Variants in ARK2N observed in about 807,000 individuals in gnomAD.
ARK2N encodes the protein protein ARK2N.
the ARK2N span, among the ~76,000 whole-genome samples, chr18:46,213,207 G>A: frequency 6.6e-6 from 1 of 151,336 alleles, no homozygotes; most frequent in South Asian, 2.1e-4. Context: ...TGACCATCTC[G>A]GCCAGGCTGG....
the ARK2N span, among the ~76,000 whole-genome samples, chr18:46,237,721 G>A: frequency 1.3e-5 from 2 of 152,088 alleles, no homozygotes; most frequent in Admixed American, 6.5e-5. Flanking sequence ...CTTAATTTTG[G>A]TTTCCTAATG....
At chr18:46,198,170 T>C in the ARK2N span, among the ~76,000 whole-genome samples, 1 of 151,774 alleles carries the variant, frequency 6.6e-6, no homozygotes, top group Non-Finnish European at 1.5e-5. Flanking sequence ...GGTATGGTGG[T>C]GGCGCCTGTA....
the ARK2N span, among the ~76,000 whole-genome samples, chr18:46,239,307 G>A: frequency 6.6e-6 from 1 of 152,152 alleles, no homozygotes; most frequent in African/African-American, 2.4e-5. Context: ...ATTGCATATT[G>A]TTTAGTTGGA....
chr18:46,215,920 A>T, the ARK2N span: 5 of 1,614,052 alleles, frequency 3.1e-6, no homozygotes, highest in Non-Finnish European at 4.2e-6. Flanking sequence ...TGAAGAACTC[A>T]TTGAGTCCGA....
At chr18:46,186,185 A>G in the ARK2N span, among the ~76,000 whole-genome samples, 1 of 149,152 alleles carries the variant, frequency 6.7e-6, no homozygotes, top group Non-Finnish European at 1.5e-5. Flanking sequence ...AAAGATGGAC[A>G]GCTGATTATC....
the ARK2N span, chr18:46,217,640 GCTT>G: frequency 1.3e-5 from 2 of 152,154 alleles, no homozygotes; most frequent in Non-Finnish European, 2.9e-5. Flanking sequence ...GGAATCTATA[GCTT>G]CCCAAACTTA....
At chr18:46,219,551 C>G in the ARK2N span, among the ~76,000 whole-genome samples, 12 of 151,628 alleles carry the variant, frequency 7.9e-5, no homozygotes, top group African/African-American at 2.7e-4. Context: ...CTCACTGCAA[C>G]CTCCGCCTCC....
the ARK2N span, chr18:46,174,299 G>A: frequency 1.3e-5 from 2 of 152,358 alleles, no homozygotes; most frequent in African/African-American, 2.4e-5. Flanking sequence ...CGCGAAGCGA[G>A]CGAGAAGGCA....
the ARK2N span, among the ~76,000 whole-genome samples, chr18:46,174,579 T>C: frequency 6.6e-6 from 1 of 152,062 alleles, no homozygotes; most frequent in Admixed American, 6.5e-5. Flanking sequence ...TTGGTGACCC[T>C]AGCGTCCTCC....
chr18:46,245,765 T>G, the ARK2N span, among the ~76,000 whole-genome samples: 4 of 152,180 alleles, frequency 2.6e-5, no homozygotes, highest in Non-Finnish European at 4.4e-5. Flanking sequence ...ATTTACAGTT[T>G]AAAAAGTAGC....
At chr18:46,262,793 T>G in the ARK2N span, 1 of 834,998 alleles carries the variant, frequency 1.2e-6, no homozygotes, top group Middle Eastern at 3.6e-4. Flanking sequence ...GGGAAGGATA[T>G]TGATTGTGGG....
chr18:46,214,277 A>G, the ARK2N span, among the ~76,000 whole-genome samples: 1,514 of 152,292 alleles, frequency 9.9e-3, 27 homozygotes, highest in African/African-American at 0.034. Flanking sequence ...GAGATGCCAT[A>G]TTGCACCTAG....
the ARK2N span, among the ~76,000 whole-genome samples, chr18:46,255,553 G>A: frequency 7.1e-6 from 1 of 140,304 alleles, no homozygotes; most frequent in African/African-American, 2.7e-5. Flanking sequence ...CCAGGTTCAA[G>A]CAATTCTCCT....
the ARK2N span, chr18:46,216,209 C>T: frequency 6.2e-7 from 1 of 1,613,820 alleles, no homozygotes; most frequent in Admixed American, 1.7e-5. This position sits in a 1 kb window ranked among gnomAD's most constrained non-coding sequence, Gnocchi z 4.3. Flanking sequence ...GATACGTTGT[C>T]TTCCGCAGAA....
the ARK2N span, among the ~76,000 whole-genome samples, chr18:46,243,972 C>G: frequency 6.6e-6 from 1 of 152,186 alleles, no homozygotes. Context: ...TCTAATTACT[C>G]TCTTGCACTG....
At chr18:46,266,477 CATTTT>C in the ARK2N span, 1 of 152,622 alleles carries the variant, frequency 6.6e-6, no homozygotes, top group South Asian at 2.1e-4. Flanking sequence ...TGTATTTTTT[CATTTT>C]ATTTAAAACA....
At chr18:46,251,827 AT>A in the ARK2N span, among the ~76,000 whole-genome samples, 2 of 152,132 alleles carry the variant, frequency 1.3e-5, no homozygotes, top group African/African-American at 4.8e-5. Flanking sequence ...AGGTATAAAA[AT>A]TGTAAGCCTT....
At chr18:46,221,948 T>C in the ARK2N span, among the ~76,000 whole-genome samples, 6 of 152,256 alleles carry the variant, frequency 3.9e-5, no homozygotes, top group Admixed American at 3.9e-4. Context: ...CAAAATACAT[T>C]GATAACAAAA....
At chr18:46,203,980 T>C in the ARK2N span, among the ~76,000 whole-genome samples, 38 of 152,130 alleles carry the variant, frequency 2.5e-4, no homozygotes, top group Non-Finnish European at 4.7e-4. Context: ...TTTTGAAAAT[T>C]TGTGGGCATA....
Sources: gnomAD v4.1 joint callset for allele counts (sites outside exome capture counted in the v4.1 genomes callset) on GRCh38, gnomAD v4.1.1 for gene constraint, Gnocchi (gnomAD v3.1) non-coding constraint, MANE v1.5 for transcripts, NCBI Gene and HGNC (gene_info 2026-07-23, HGNC 2026-07-21) for gene names.